Variants in SEC24C observed in about 807,000 individuals in gnomAD.
SEC24C encodes protein transport protein Sec24C.
Under a neutral mutation model 117.0 loss-of-function variants are expected in SEC24C, and 22 were observed. That is an observed-to-expected ratio of 0.19 (90% CI 0.13 to 0.27). SEC24C has a LOEUF of 0.27. Ranked by LOEUF, SEC24C falls within the 10% of genes least tolerant of loss-of-function variation. The pLI is 1.00. For synonymous variants in SEC24C, 506 were observed against 529.4 expected, an observed-to-expected ratio of 0.96 and a Z score of 0.61; for missense variants, 1,155 against 1,375.1, an observed-to-expected ratio of 0.84 and a Z score of 2.53.
intron 8 of SEC24C, 149 bp from the exon 9 acceptor site, chr10:73,765,302 T>C (rs2082864867): frequency 1.3e-5 from 10 of 767,982 alleles, no homozygotes; most frequent in Non-Finnish European, 1.9e-5. Context: ...GATTTGTCTT[T>C]ACTCCCTTTC....
chr10:73,767,582 C>G (rs572745754), intron 14 of SEC24C, among the ~76,000 whole-genome samples: 1 of 152,052 alleles, frequency 6.6e-6, no homozygotes, highest in Non-Finnish European at 1.5e-5. Flanking sequence ...GCAGGAGAAT[C>G]GCTTGAACCT....
In SEC24C at chr10:73,751,200, G is replaced by A. The variant is rs1367530056; in HGVS notation, c.265G>A (p.Gly89Arg). ...GQAAYGQFGQ[G>R]DVQNGPSSTV... ...GGCTGCATATGGCCAGTTTGGCCAA[G>A]GAGATGTACAGAATGGGCCAAGCTC... is the stretch of plus-strand genomic sequence containing the variant. The change falls in exon 3 of 23, where the codon GGA (glycine) becomes AGA (arginine). Residue 89 changes from glycine (G) to arginine (R), a missense_variant. Gly to Arg is a moderately radical substitution (Grantham distance 125). This residue lies in a region of SEC24C where 396 missense variants were observed against 382.8 expected (regional missense o/e 1.03). Coordinates refer to ENST00000345254, the MANE Select transcript of SEC24C (RefSeq NM_198597.3). 1 of 1,614,206 alleles carries A rather than the reference G, an allele frequency of 6.2e-7. No individual in the cohort carries two copies. The highest frequency in any genetic ancestry group is 8.5e-7 in the Non-Finnish European group (1 of 1,180,028).
chr10:73,756,428 G>A (rs2082711138), intron 3 of SEC24C, among the ~76,000 whole-genome samples: 1 of 152,042 alleles, frequency 6.6e-6, no homozygotes, highest in Non-Finnish European at 1.5e-5. Flanking sequence ...CAGGCTGGCT[G>A]TGGATGGGTG....
Position 73,766,057 on chromosome 10 carries a change from C to T in SEC24C, c.1483-29C>T, listed in dbSNP as rs759536234. On this transcript the variant is annotated intron_variant, in intron 10 of 22. Coordinates refer to ENST00000345254, the MANE Select transcript of SEC24C (RefSeq NM_198597.3). ...GTCAACTGGCCTGCTTACCATTCCC[C>T]CTCTCCCCAACATTTTCTTCCTCTG... 6 of 1,607,910 alleles carry T rather than the reference C, an allele frequency of 3.7e-6. No homozygotes were observed. In the South Asian group the frequency reaches 5.5e-5, roughly 15 times the overall value.
At position 73,763,667 on chromosome 10, in the gene SEC24C, C is replaced by CTTTTTTTTTT. The variant is rs71021569; in HGVS notation, c.1099+89_1099+98dup. 2.5e-3 allele frequency: 149 copies of CTTTTTTTTTT among 60,488 alleles called. 8 individuals are homozygous for CTTTTTTTTTT. Among genetic ancestry groups the CTTTTTTTTTT allele is most frequent in the African/African-American group, 0.01 (83 of 8,162 alleles). 3.7% of individuals were successfully genotyped at this position (60,488 alleles called of 1,614,324 possible). ...CAAGATTATCAGCTTATGGTTGGGGCTTTTTTTTTTTTTTTTTTTTTTTTT... is the reference window on the plus strand; with the variant it reads ...CAAGATTATCAGCTTATGGTTGGGGCTTTTTTTTTTTTTTTTTTTTTTTTTTTTTTTTTTT... On this transcript the variant is annotated intron_variant, in intron 7 of 22. Coordinates refer to ENST00000345254, the MANE Select transcript of SEC24C (RefSeq NM_198597.3).
chr10:73,748,842 A>C (rs1337356928), intron 2 of SEC24C, among the ~76,000 whole-genome samples: 1 of 152,080 alleles, frequency 6.6e-6, no homozygotes, highest in East Asian at 1.9e-4. Context: ...TCCCAGGTTC[A>C]AGTGATTCTC....
Position 73,767,188 on chromosome 10 carries a change from G to A in SEC24C, c.2010+18G>A, listed in dbSNP as rs770544392. 1.3e-6 allele frequency: 2 copies of A among 1,540,100 alleles called. No individual in the cohort carries two copies. Among genetic ancestry groups the A allele is most frequent in the African/African-American group, 1.4e-5 (1 of 73,412 alleles). ...AGGAGAAGGTGTGGGACTGGAAAATGGGGGAGGGGAAGGATTTTTCATTAC... is the reference window on the plus strand; with the variant it reads ...AGGAGAAGGTGTGGGACTGGAAAATAGGGGAGGGGAAGGATTTTTCATTAC... On this transcript the variant is annotated intron_variant, in intron 14 of 22. Coordinates refer to ENST00000345254, the MANE Select transcript of SEC24C (RefSeq NM_198597.3).
At chr10:73,745,332 A>C (rs374035499) in intron 1 of SEC24C, among the ~76,000 whole-genome samples, 1 of 151,964 alleles carries the variant, frequency 6.6e-6, no homozygotes, top group Admixed American at 6.6e-5. Context: ...AACAATCGTA[A>C]GGGGAGCAGA....
At chr10:73,763,121 A>G (rs192756282) in intron 6 of SEC24C, among the ~76,000 whole-genome samples, 14 of 152,076 alleles carry the variant, frequency 9.2e-5, no homozygotes, top group African/African-American at 3.4e-4. Context: ...GGAAGGCATG[A>G]TGGGGGAGGG....
chr10:73,770,686 G>C, intron 21 of SEC24C, 23 bp from the exon 22 acceptor site: 2 of 1,613,126 alleles, frequency 1.2e-6, no homozygotes, highest in South Asian at 2.2e-5. Context: ...TTACCATAAG[G>C]ATAAATGAAT....
Position 73,771,223 on chromosome 10 carries a change from T to A in SEC24C, c.*128T>A. On this transcript the variant is annotated 3_prime_UTR_variant, in exon 23 of 23. Transcript: ENST00000345254. ...GTCTCTCTGGGGGGAGGGGGAGATA[T>A]AAGGAGACACCTTCTTTCTGGGCTC... 9.3e-7 allele frequency: 1 copy of A among 1,077,430 alleles called. No individual in the cohort carries two copies. The highest frequency in any genetic ancestry group is 2.4e-5 in the East Asian group (1 of 41,372). The allele number at this position is 1,077,430 out of a possible 1,614,324, so 66.7% of individuals were successfully genotyped here. A position where few individuals can be genotyped will look rare whatever the true frequency, so the allele number is the denominator to read the frequency against.
chr10:73,744,939 C>G (rs951786900), intron 1 of SEC24C, among the ~76,000 whole-genome samples: 1 of 152,122 alleles, frequency 6.6e-6, no homozygotes, highest in Non-Finnish European at 1.5e-5. Flanking sequence ...TACCCCTCCC[C>G]CCGGCTTTGG....
At chr10:73,747,292 C>T (rs1206235386) in intron 2 of SEC24C, among the ~76,000 whole-genome samples, 1 of 152,226 alleles carries the variant, frequency 6.6e-6, no homozygotes, top group Non-Finnish European at 1.5e-5. Flanking sequence ...AAGCACTTCT[C>T]CTGCCTCAGC....
At chr10:73,746,731 ATC>A in intron 1 of SEC24C, 72 bp from the exon 2 acceptor site, 1 of 989,604 alleles carries the variant, frequency 1.0e-6, no homozygotes, top group Non-Finnish European at 1.5e-6. Context: ...ATTTCTTTTT[ATC>A]TCTACTTCCT....
chr10:73,760,762 C>T lies in SEC24C; in HGVS notation c.900C>T (p.Tyr300=), dbSNP rs952090693. Residue 300 remains tyrosine (Y), a synonymous_variant, in exon 6 of 23, where the codon TAC becomes TAT. Coordinates refer to ENST00000345254, the MANE Select transcript of SEC24C (RefSeq NM_198597.3). ...RGPQSNYGGP[Y]PAAPTFGSQP... is the part of the protein sequence containing the mutation. ...CTCAGTCTAATTATGGAGGCCCCTA[C>T]CCAGCAGCACCCACCTTTGGCAGTC... 1.9e-6 allele frequency: 3 copies of T among 1,614,034 alleles called. No individual in the cohort carries two copies. The highest frequency in any genetic ancestry group is 2.2e-5 in the East Asian group (1 of 44,862).
chr10:73,750,946 G>T (rs2082633867), intron 2 of SEC24C, among the ~76,000 whole-genome samples, 162 bp from the exon 3 acceptor site: 1 of 152,204 alleles, frequency 6.6e-6, no homozygotes, highest in Non-Finnish European at 1.5e-5. Flanking sequence ...TTAGAATACT[G>T]CTGTAGCTAC....
rs1432440561 is a variant in SEC24C at position 73,747,007 on chromosome 10, ATGTTTC to A, written c.172+16_172+21del. 6.2e-7 allele frequency: 1 copy of A among 1,610,036 alleles called. No individual in the cohort carries two copies. Among genetic ancestry groups the A allele is most frequent in the East Asian group, 2.2e-5 (1 of 44,728 alleles). ...CTATCAGCAAACACCTCCCCAAGGT[ATGTTTC>A]TGTTTCTGTTTCCTTTGAGCTAGGG... On this transcript the variant is annotated splice_donor_5th_base_variant and intron_variant, in intron 2 of 22. Transcript: ENST00000345254.
At chr10:73,753,318 C>G (rs1217789166) in intron 3 of SEC24C, among the ~76,000 whole-genome samples, 3 of 152,194 alleles carry the variant, frequency 2.0e-5, no homozygotes, top group African/African-American at 7.2e-5. Context: ...TTCCAAAGTG[C>G]TGGGATTACA....
chr10:73,756,117 G>T (rs1029934700), intron 3 of SEC24C, among the ~76,000 whole-genome samples: 5 of 152,148 alleles, frequency 3.3e-5, no homozygotes, highest in African/African-American at 1.2e-4. Flanking sequence ...CTCCCAAAGT[G>T]GTGGGATTAC....
Sources: gnomAD v4.1 joint callset for allele counts (sites outside exome capture counted in the v4.1 genomes callset) on GRCh38, gnomAD v4.1.1 for gene constraint, gnomAD v4.1.1 regional missense constraint, MANE v1.5 for transcripts, NCBI Gene and HGNC (gene_info 2026-07-23, HGNC 2026-07-21) for gene names.